Variants in RBFOX2 observed in about 807,000 individuals in gnomAD.
RBFOX2 encodes RNA binding fox-1 homolog 2, also known as RNA binding protein fox-1 homolog 2.
RBFOX2 carries 10 observed loss-of-function variants against 49.1 expected under a neutral mutation model. That is an observed-to-expected ratio of 0.20 (90% confidence interval 0.13 to 0.35). RBFOX2 has a LOEUF of 0.35. Ranked by LOEUF, RBFOX2 falls within the 10% of genes least tolerant of loss-of-function variation. The pLI is 1.00. For missense variants in RBFOX2, 323 were observed against 486.9 expected (o/e 0.66, Z 3.17); for synonymous variants, 183 against 187.4 (o/e 0.98, Z 0.19).
At chr22:35,908,078 T>C (rs188891513) in intron 1 of RBFOX2, among the ~76,000 whole-genome samples, 134 of 152,332 alleles carry the variant, frequency 8.8e-4, no homozygotes, top group Non-Finnish European at 1.5e-3. Flanking sequence ...AGAAGTCAAC[T>C]GGTGTATCAC....
At chr22:35,953,178 T>G (rs2055141799) in intron 1 of RBFOX2, among the ~76,000 whole-genome samples, 1 of 117,692 alleles carries the variant, frequency 8.5e-6, no homozygotes, top group Admixed American at 1.3e-4. Flanking sequence ...ACCACTGCGC[T>G]CCAGCCTGGG....
intron 1 of RBFOX2, among the ~76,000 whole-genome samples, chr22:35,896,902 C>T (rs920860636): frequency 6.6e-5 from 10 of 152,164 alleles, no homozygotes; most frequent in Admixed American, 5.2e-4. Flanking sequence ...AAAAATAAAT[C>T]TTGACTTTCC....
At chr22:36,020,254 G>A (rs997079174) in intron 1 of RBFOX2, among the ~76,000 whole-genome samples, 3 of 152,026 alleles carry the variant, frequency 2.0e-5, no homozygotes, top group Non-Finnish European at 2.9e-5. Flanking sequence ...AATTCAAGAC[G>A]GATTAAAGAT....
At chr22:35,896,434 G>A (rs1228885261) in intron 1 of RBFOX2, among the ~76,000 whole-genome samples, 1 of 152,098 alleles carries the variant, frequency 6.6e-6, no homozygotes, top group African/African-American at 2.4e-5. Context: ...TCAGGGTTTT[G>A]GCTCCCCCTC....
chr22:35,857,572 G>A (rs2042652083), intron 1 of RBFOX2, among the ~76,000 whole-genome samples: 1 of 152,216 alleles, frequency 6.6e-6, no homozygotes, highest in Admixed American at 6.5e-5. Flanking sequence ...CGGGGTTGAA[G>A]GTACAGCTAG....
At chr22:35,745,195 C>G (rs995606387) in intron 11 of RBFOX2, among the ~76,000 whole-genome samples, 6 of 152,114 alleles carry the variant, frequency 3.9e-5, no homozygotes, top group Non-Finnish European at 8.8e-5. Context: ...GGTAGTTGCC[C>G]AGTTGCATTT....
At chr22:35,878,998 G>A (rs1435927402) in intron 1 of RBFOX2, among the ~76,000 whole-genome samples, 2 of 152,208 alleles carry the variant, frequency 1.3e-5, no homozygotes, top group African/African-American at 4.8e-5. Flanking sequence ...CCAAAGTGCT[G>A]GGATTACAGG....
At chr22:35,872,188 T>C (rs901772603) in intron 1 of RBFOX2, among the ~76,000 whole-genome samples, 4 of 152,164 alleles carry the variant, frequency 2.6e-5, no homozygotes, top group African/African-American at 7.2e-5. Flanking sequence ...ATGCTTGGTA[T>C]TGAAACAGGA....
chr22:35,942,153 T>C (rs1459704833), upstream of RBFOX2, among the ~76,000 whole-genome samples: 1 of 152,220 alleles, frequency 6.6e-6, no homozygotes, highest in Non-Finnish European at 1.5e-5. Context: ...TAATGGATAA[T>C]TGAATTGTTT....
At chr22:35,752,101 A>G (rs1056030927) in intron 9 of RBFOX2, among the ~76,000 whole-genome samples, 6 of 152,204 alleles carry the variant, frequency 3.9e-5, no homozygotes, top group South Asian at 2.1e-4. Context: ...TTTGAGTCCC[A>G]TATGTCTAGA....
chr22:36,001,631 T>G (rs915553602), intron 1 of RBFOX2, among the ~76,000 whole-genome samples: 1 of 151,986 alleles, frequency 6.6e-6, no homozygotes, highest in African/African-American at 2.4e-5. Flanking sequence ...GGCATAGTAG[T>G]GCATGCCTTA....
chr22:35,980,031 T>C (rs1420251750), intron 1 of RBFOX2, among the ~76,000 whole-genome samples: 2 of 152,186 alleles, frequency 1.3e-5, no homozygotes, highest in South Asian at 2.1e-4. Context: ...ACTTATAAAC[T>C]AGTAAAGGGT....
rs60841537 is a variant in RBFOX2 at position 35,776,881 on chromosome 22, C to CT, written c.453+1143dup. Among the ~76,000 whole-genome samples the CT allele has an allele frequency of 5.6e-3, 814 of 145,298 alleles. 46 individuals are homozygous for CT. The East Asian group carries it at 0.12, about 21-fold the overall frequency. On this transcript the variant is annotated intron_variant, in intron 4 of 11. Transcript: ENST00000405409. ...GTGCAAATATTCAGTTCATCAAATA[C>CT]TTTTTTTTTTTTTCACAACACCACT...
chr22:35,829,399 TGA>T lies in RBFOX2; in HGVS notation c.27+10791_27+10792del, dbSNP rs543584005. On this transcript the variant is annotated intron_variant, in intron 1 of 11. Transcript: ENST00000405409. ...AAAAAAATGAACATGCTAAGAGACA[TGA>T]GAGGTGTGAAAAAGACCTACATAAA... Among the ~76,000 whole-genome samples the T allele has an allele frequency of 1.3e-4, 20 of 152,100 alleles. No individual in the cohort carries two copies. In the South Asian group the frequency reaches 4.2e-3, roughly 32 times the overall value.
chr22:35,803,147 AACACACAC>A (rs374346895), intron 2 of RBFOX2, among the ~76,000 whole-genome samples: 59 of 145,844 alleles, frequency 4.0e-4, no homozygotes, highest in East Asian at 4.0e-4. Context: ...AATTACTTAA[AACACACAC>A]ACACACACAC....
intron 1 of RBFOX2, among the ~76,000 whole-genome samples, chr22:35,876,472 T>A (rs2045105374): frequency 6.6e-6 from 1 of 151,962 alleles, no homozygotes; most frequent in Non-Finnish European, 1.5e-5. Context: ...TAACGTTTAT[T>A]AATATATAAT....
At chr22:35,994,919 C>G (rs1287685975) in intron 1 of RBFOX2, 1 of 152,140 alleles carries the variant, frequency 6.6e-6, no homozygotes, top group Admixed American at 6.5e-5. Flanking sequence ...GCCTGTTACC[C>G]CTTCAGAAAC....
At position 35,754,154 on chromosome 22, in the gene RBFOX2, C is replaced by T. The variant is rs973620618; in HGVS notation, c.887+5734G>A. 4.9e-4 allele frequency among the ~76,000 whole-genome samples: 73 copies of T among 149,660 alleles called. 1 individual carries two copies. The highest frequency in any genetic ancestry group is 1.2e-4 in the Non-Finnish European group (8 of 67,632). ...TCACCCAGGCTGGACTGTAGTGGCACGATCTCAGCTCACTGTAAGCTCTGC... is the reference window on the plus strand; with the variant it reads ...TCACCCAGGCTGGACTGTAGTGGCATGATCTCAGCTCACTGTAAGCTCTGC... On this transcript the variant is annotated intron_variant, in intron 9 of 11. Coordinates refer to ENST00000405409, the Ensembl canonical transcript of RBFOX2.
intron 1 of RBFOX2, among the ~76,000 whole-genome samples, chr22:35,978,867 T>A (rs563025366): frequency 6.6e-6 from 1 of 152,132 alleles, no homozygotes; most frequent in Non-Finnish European, 1.5e-5. Flanking sequence ...ATAAAACTGG[T>A]TGGTTCAGGA....
Sources: allele counts gnomAD v4.1 joint callset (sites outside exome capture counted in the v4.1 genomes callset), GRCh38; gene constraint gnomAD v4.1.1; transcripts MANE v1.5; gene names NCBI Gene and HGNC (gene_info 2026-07-23, HGNC 2026-07-21).